The following AK9 variants were observed in gnomAD, a reference collection of about 807,000 sequenced individuals.
AK9 encodes adenylate kinase domain containing 1.
Under a neutral mutation model 239.6 loss-of-function variants are expected in AK9, and 191 were observed. The observed-to-expected ratio is 0.80, with a 90% CI of 0.71 to 0.90. AK9 has a LOEUF of 0.90. Among genes scored for constraint, AK9 ranks in the 40% least tolerant of loss-of-function variants. The pLI is 0.00. For missense variants in AK9, 1,995 were observed against 2,214.7 expected (o/e 0.90, Z 1.99); for synonymous variants, 689 against 721.0 (o/e 0.96, Z 0.71).
intron 1 of AK9, among the ~76,000 whole-genome samples, chr6:109,687,757 C>T (rs1469780266): frequency 6.6e-6 from 1 of 152,184 alleles, no homozygotes; most frequent in African/African-American, 2.4e-5. Context: ...GTGAGTGATG[C>T]CAGGGCTCCT....
chr6:109,563,028 T>C (rs1277028365), intron 24 of AK9, among the ~76,000 whole-genome samples: 1 of 152,232 alleles, frequency 6.6e-6, no homozygotes, highest in East Asian at 1.9e-4. Context: ...TCACACTACA[T>C]ATTGTTTGTT....
chr6:109,644,744 C>T (rs1797835722), intron 8 of AK9, 56 bp from the exon 9 acceptor site: 4 of 1,440,910 alleles, frequency 2.8e-6, no homozygotes, highest in Non-Finnish European at 3.8e-6. Flanking sequence ...AAACTGAATA[C>T]AAGATCAGAA....
At chr6:109,593,178 T>G (rs1790523309) in intron 17 of AK9, among the ~76,000 whole-genome samples, 1 of 152,094 alleles carries the variant, frequency 6.6e-6, no homozygotes, top group African/African-American at 2.4e-5. Context: ...ATTTTGCAAT[T>G]CCTTCAATAA....
intron 17 of AK9, among the ~76,000 whole-genome samples, chr6:109,600,249 C>T (rs1263747249): frequency 1.3e-5 from 2 of 152,100 alleles, no homozygotes; most frequent in Non-Finnish European, 1.5e-5. Flanking sequence ...TGAGATACGT[C>T]CCATCAATAC....
rs776850386 is a variant in AK9 at position 109,638,520 on chromosome 6, C to T, written c.933+2998G>A. ...TTTGAGACAGGGTCTTGCTTTATCA[C>T]GCAGGCTGGAGTGCAAGTGGCACAA... On this transcript the variant is annotated intron_variant, in intron 10 of 40. Coordinates refer to ENST00000424296, the MANE Select transcript of AK9 (RefSeq NM_001145128.3). Among the ~76,000 whole-genome samples the T allele has an allele frequency of 4.6e-5, 7 of 152,256 alleles. No homozygotes were observed. In the South Asian group the frequency reaches 6.2e-4, roughly 14 times the overall value.
intron 12 of AK9, among the ~76,000 whole-genome samples, chr6:109,626,029 A>AT (rs1251384242): frequency 1.3e-5 from 2 of 150,720 alleles, no homozygotes; most frequent in Non-Finnish European, 3.0e-5. Context: ...TTCTTTCAAT[A>AT]TTTTTTTCTC....
chr6:109,522,096 A>G (rs928005862), intron 29 of AK9, among the ~76,000 whole-genome samples: 2 of 152,042 alleles, frequency 1.3e-5, no homozygotes, highest in African/African-American at 4.8e-5. Flanking sequence ...GAATTTTACA[A>G]GTGTTGTCTT....
At chr6:109,644,590 A>T in intron 9 of AK9, 24 bp downstream of exon 9, 3 of 1,573,432 alleles carry the variant, frequency 1.9e-6, no homozygotes, top group Non-Finnish European at 2.6e-6. Flanking sequence ...GCTGTGAAGT[A>T]TTCCTGCTTA....
chr6:109,567,298 A>G (rs1345300440), intron 21 of AK9, among the ~76,000 whole-genome samples: 2 of 152,182 alleles, frequency 1.3e-5, no homozygotes, highest in African/African-American at 4.8e-5. Context: ...AATACTATAA[A>G]CACTTCTACG....
At chr6:109,539,633 C>A (rs927675298) in intron 27 of AK9, among the ~76,000 whole-genome samples, 1 of 152,222 alleles carries the variant, frequency 6.6e-6, no homozygotes, top group Non-Finnish European at 1.5e-5. Context: ...CAGCTTTGTT[C>A]CATTGCTGGC....
intron 29 of AK9, among the ~76,000 whole-genome samples, chr6:109,518,714 G>T (rs958199367): frequency 3.3e-5 from 5 of 151,450 alleles, no homozygotes; most frequent in Admixed American, 1.3e-4. Context: ...ACATAAATGG[G>T]ATTATTTTAT....
At chr6:109,547,246 A>C (rs775556238) in intron 25 of AK9, among the ~76,000 whole-genome samples, 2 of 152,226 alleles carry the variant, frequency 1.3e-5, no homozygotes, top group African/African-American at 2.4e-5. Flanking sequence ...AGAAGAGCTT[A>C]GATTGTGTTC....
chr6:109,626,725 T>C (rs934765353), intron 12 of AK9, among the ~76,000 whole-genome samples: 1 of 152,198 alleles, frequency 6.6e-6, no homozygotes, highest in Non-Finnish European at 1.5e-5. Flanking sequence ...TCTAAACATA[T>C]CTAAATATAG....
At chr6:109,613,213 C>T (rs909828317) in intron 15 of AK9, among the ~76,000 whole-genome samples, 4 of 151,422 alleles carry the variant, frequency 2.6e-5, no homozygotes, top group Non-Finnish European at 4.4e-5. Flanking sequence ...ATGAAAAATA[C>T]CTTTACTTCA....
intron 5 of AK9, among the ~76,000 whole-genome samples, chr6:109,666,502 T>C (rs950453315): frequency 6.6e-6 from 1 of 152,194 alleles, no homozygotes; most frequent in African/African-American, 2.4e-5. Flanking sequence ...AGACTTTGCA[T>C]GTTCTATCAT....
chr6:109,545,265 C>A (rs1217884646), intron 26 of AK9, among the ~76,000 whole-genome samples: 1 of 152,084 alleles, frequency 6.6e-6, no homozygotes, highest in Non-Finnish European at 1.5e-5. Flanking sequence ...CATAGCAAGA[C>A]CCCCATCTCT....
intron 28 of AK9, among the ~76,000 whole-genome samples, chr6:109,531,652 A>T (rs1781275916): frequency 6.6e-6 from 1 of 152,178 alleles, no homozygotes; most frequent in Non-Finnish European, 1.5e-5. Context: ...TTCTGTCATC[A>T]CGGAGATTTC....
chr6:109,620,241 C>T (rs1794655351), intron 12 of AK9, among the ~76,000 whole-genome samples: 1 of 152,040 alleles, frequency 6.6e-6, no homozygotes, highest in Admixed American at 6.6e-5. Flanking sequence ...CAAACTGTTT[C>T]CAAAACAACT....
chr6:109,520,216 C>T (rs531867536), intron 29 of AK9, among the ~76,000 whole-genome samples: 1 of 152,156 alleles, frequency 6.6e-6, no homozygotes, highest in African/African-American at 2.4e-5. Flanking sequence ...ATGGTGTTTC[C>T]CAGGTTTTCT....
Sources: gnomAD v4.1 joint callset for allele counts (sites outside exome capture counted in the v4.1 genomes callset) on GRCh38, gnomAD v4.1.1 for gene constraint, MANE v1.5 for transcripts, NCBI Gene and HGNC (gene_info 2026-07-23, HGNC 2026-07-21) for gene names.